GAB1: variants seen among roughly 807,000 people sequenced by gnomAD.
GAB1 encodes the protein GRB2 associated binding protein 1, also known as GRB2-associated-binding protein 1.
A neutral mutation model predicts 66.5 loss-of-function variants in GAB1; 19 were observed. That is an observed-to-expected ratio of 0.29 (90% CI 0.20 to 0.42). The LOEUF (loss-of-function observed/expected upper bound fraction) is 0.42, where lower values mean the gene tolerates loss of function less well. Ranked by LOEUF, GAB1 falls within the 10% of genes least tolerant of loss-of-function variation. The pLI, the probability that GAB1 is intolerant of heterozygous loss-of-function variation, is 1.00. For missense variants in GAB1, 732 were observed against 858.5 expected, an observed-to-expected ratio of 0.85 and a Z score of 1.84; for synonymous variants, 294 against 301.4, an observed-to-expected ratio of 0.98 and a Z score of 0.25.
rs571279449 is a variant in GAB1 at position 143,450,626 on chromosome 4, C to T, written c.1586-8759C>T. Among the ~76,000 whole-genome samples the T allele has an allele frequency of 3.3e-5, 5 of 152,264 alleles. No homozygotes were observed. The South Asian group carries it at 1.0e-3, about 32-fold the overall frequency. On this transcript the variant is annotated intron_variant, in intron 6 of 9. Transcript: ENST00000262994. ...GCAAAAATGGCTGGGCACAGTGGCT[C>T]AGCCTGTAATCCCAGCATCTGGGGA...
intron 6 of GAB1, among the ~76,000 whole-genome samples, chr4:143,448,676 T>A (rs62378080): frequency 0.012 from 1,786 of 152,002 alleles, 54 homozygotes; most frequent in African/African-American, 0.041. Flanking sequence ...TTGATTCTTC[T>A]CTCTTTTTTT....
At chr4:143,451,851 G>A (rs955264468) in intron 6 of GAB1, among the ~76,000 whole-genome samples, 16 of 151,678 alleles carry the variant, frequency 1.1e-4, no homozygotes, top group Admixed American at 1.1e-3. Flanking sequence ...CATACAGTGC[G>A]AGTTCATCAC....
At position 143,372,178 on chromosome 4, in the gene GAB1, T is replaced by C. The variant is rs1031019828; in HGVS notation, c.72+34918T>C. Among the ~76,000 whole-genome samples the C allele has an allele frequency of 4.6e-5, 7 of 152,196 alleles. No homozygotes were observed. The East Asian group carries it at 1.2e-3, about 25-fold the overall frequency. Reference sequence around the variant, plus strand: ...CATCTCAGTTTAAAAAAAAAAGATGTATCTTGTTCCATTGTTGAACAACTG... The same window carrying C: ...CATCTCAGTTTAAAAAAAAAAGATGCATCTTGTTCCATTGTTGAACAACTG... On this transcript the variant is annotated intron_variant, in intron 1 of 9. Coordinates refer to ENST00000262994, the MANE Select transcript of GAB1 (RefSeq NM_002039.4).
chr4:143,427,417 A>G (rs1178030550), intron 2 of GAB1, among the ~76,000 whole-genome samples: 1 of 152,132 alleles, frequency 6.6e-6, no homozygotes, highest in Non-Finnish European at 1.5e-5. Context: ...GAGAATAGAC[A>G]AACCGGGTTA....
intron 1 of GAB1, among the ~76,000 whole-genome samples, chr4:143,371,392 G>A (rs1560724234): frequency 1.3e-5 from 2 of 152,104 alleles, no homozygotes; most frequent in Non-Finnish European, 2.9e-5. Flanking sequence ...TTTTTGATGG[G>A]GTTGTTTGAT....
At chr4:143,400,767 A>G (rs368894055) in intron 1 of GAB1, among the ~76,000 whole-genome samples, 1 of 152,260 alleles carries the variant, frequency 6.6e-6, no homozygotes, top group East Asian at 1.9e-4. Context: ...CGGGAGTTCA[A>G]GAGCAGCCTG....
intron 6 of GAB1, among the ~76,000 whole-genome samples, chr4:143,456,021 G>A (rs1268404487): frequency 6.6e-6 from 1 of 152,066 alleles, no homozygotes; most frequent in Non-Finnish European, 1.5e-5. Flanking sequence ...TTCTTTCTTT[G>A]GATGAATCTC....
chr4:143,392,933 A>G (rs1170647362), intron 1 of GAB1, among the ~76,000 whole-genome samples: 3 of 152,118 alleles, frequency 2.0e-5, no homozygotes, highest in Non-Finnish European at 2.9e-5. Flanking sequence ...ACTTTCTATT[A>G]GTGATAGCAG....
intron 1 of GAB1, among the ~76,000 whole-genome samples, chr4:143,369,234 C>G (rs1425581934): frequency 2.0e-5 from 3 of 152,060 alleles, no homozygotes; most frequent in African/African-American, 7.2e-5. Context: ...AGCCACCGCA[C>G]CCGGCCATTT....
Position 143,457,270 on chromosome 4 carries a change from GA to G in GAB1, c.1586-2112del, listed in dbSNP as rs949118156. 1.4e-4 allele frequency among the ~76,000 whole-genome samples: 22 copies of G among 152,290 alleles called. No homozygotes were observed. The East Asian group carries it at 4.2e-3, about 29-fold the overall frequency. On this transcript the variant is annotated intron_variant, in intron 6 of 9. Transcript: ENST00000262994. Reference sequence around the variant, plus strand: ...ATGAGACACCAGATTTCAAAGAAAAGAAAGATGTAATTGAGATCTGACTAGG... The same window carrying G: ...ATGAGACACCAGATTTCAAAGAAAAGAAGATGTAATTGAGATCTGACTAGG...
chr4:143,396,499 G>A (rs944085897), intron 1 of GAB1, among the ~76,000 whole-genome samples: 8 of 152,146 alleles, frequency 5.3e-5, no homozygotes, highest in African/African-American at 1.9e-4. Flanking sequence ...ATAGCAGCTC[G>A]ATCGGGTGGC....
chr4:143,365,027 G>A (rs1045837251), intron 1 of GAB1, among the ~76,000 whole-genome samples: 12 of 151,608 alleles, frequency 7.9e-5, no homozygotes, highest in African/African-American at 2.7e-4. Flanking sequence ...ACAGGCGCCC[G>A]CCACCACGCC....
At chr4:143,422,080 T>A (rs145199427) in intron 2 of GAB1, among the ~76,000 whole-genome samples, 7 of 152,296 alleles carry the variant, frequency 4.6e-5, no homozygotes, top group Non-Finnish European at 7.4e-5. Flanking sequence ...CTTGTTAGAT[T>A]TGCCTTTTTG....
At chr4:143,463,092 A>G (rs1272520268) in intron 8 of GAB1, among the ~76,000 whole-genome samples, 1 of 152,218 alleles carries the variant, frequency 6.6e-6, no homozygotes, top group Admixed American at 6.5e-5. Flanking sequence ...ATGCTGCCAA[A>G]TACAAGGACT....
intron 2 of GAB1, chr4:143,417,521 C>G: frequency 3.1e-6 from 1 of 327,646 alleles, no homozygotes; most frequent in Non-Finnish European, 6.0e-6. Flanking sequence ...GATTCTCGTG[C>G]CTCAGCCTTC....
chr4:143,413,328 A>G (rs1452333911), intron 1 of GAB1, among the ~76,000 whole-genome samples: 1 of 152,230 alleles, frequency 6.6e-6, no homozygotes, highest in Non-Finnish European at 1.5e-5. Flanking sequence ...TGCATATTCA[A>G]TGAATGGATT....
chr4:143,440,533 G>A, intron 6 of GAB1, 151 bp downstream of exon 6: 1 of 714,788 alleles, frequency 1.4e-6, no homozygotes. Flanking sequence ...AAGCAGTACT[G>A]CCATTTATAA....
intron 1 of GAB1, among the ~76,000 whole-genome samples, chr4:143,366,164 C>T (rs570237799): frequency 6.6e-6 from 1 of 152,206 alleles, no homozygotes; most frequent in Non-Finnish European, 1.5e-5. Context: ...AAGGTCACTT[C>T]CAGCTCTGAA....
chr4:143,366,851 T>C (rs1457172986), intron 1 of GAB1, among the ~76,000 whole-genome samples: 1 of 152,158 alleles, frequency 6.6e-6, no homozygotes, highest in Non-Finnish European at 1.5e-5. Context: ...CACATGGTCC[T>C]CAAGACCCTC....
Sources: gnomAD v4.1 joint callset for allele counts (sites outside exome capture counted in the v4.1 genomes callset) on GRCh38, gnomAD v4.1.1 for gene constraint, MANE v1.5 for transcripts, NCBI Gene and HGNC (gene_info 2026-07-23, HGNC 2026-07-21) for gene names.